The following CEP85L variants were observed in gnomAD, a reference collection of about 807,000 sequenced individuals.
The protein encoded by CEP85L is centrosomal protein of 85 kDa-like.
CEP85L carries 60 observed loss-of-function variants against 100.3 expected under a neutral mutation model. That is an observed-to-expected ratio of 0.60 (90% CI 0.49 to 0.74). The LOEUF (loss-of-function observed/expected upper bound fraction) is 0.74. CEP85L is among the 30% of genes least tolerant of loss of function. CEP85L has a pLI of 0.00. For missense variants in CEP85L, 973 were observed against 936.2 expected, an observed-to-expected ratio of 1.04 and a Z score of -0.51; for synonymous variants, 319 against 322.7, an observed-to-expected ratio of 0.99 and a Z score of 0.12.
rs947920378 is a variant in CEP85L, at chr6:118,463,137, T to G, written c.*2268A>C. ...TATTTTTAAGATACGTGAATTAAATTACTTTCTCTAAGTTTTAGAAAGCTA... is the reference window on the plus strand; with the variant it reads ...TATTTTTAAGATACGTGAATTAAATGACTTTCTCTAAGTTTTAGAAAGCTA... On this transcript the variant is annotated 3_prime_UTR_variant, in exon 13 of 13. Coordinates refer to ENST00000368491, the MANE Select transcript of CEP85L (RefSeq NM_001042475.3). 3.3e-5 allele frequency: 5 copies of G among 152,000 alleles called. No individual in the cohort carries two copies. The highest frequency in any genetic ancestry group is 7.4e-5 in the Non-Finnish European group (5 of 67,904). The allele number at this position is 152,000 out of a possible 1,614,324, so 9.4% of individuals were successfully genotyped here.
At chr6:118,500,416 C>A (rs1159511804) in intron 5 of CEP85L, among the ~76,000 whole-genome samples, 1 of 32,748 alleles carries the variant, frequency 3.1e-5, no homozygotes, top group Non-Finnish European at 8.6e-5. Context: ...CACTCCCTGG[C>A]GCTGGGCTCC....
intron 3 of CEP85L, 126 bp from the exon 4 acceptor site, chr6:118,524,046 C>T (rs1443419574): frequency 2.4e-5 from 10 of 422,894 alleles, no homozygotes; most frequent in African/African-American, 8.4e-5. Context: ...TTAATACTTT[C>T]GGAAATCACA....
At chr6:118,652,484 T>TG, upstream of CEP85L, 1 of 1,319,250 alleles carries the variant, frequency 7.6e-7, no homozygotes, top group African/African-American at 1.5e-5. Flanking sequence ...AGCACTGTGG[T>TG]GGGAGGCGGG....
chr6:118,477,036 A>G (rs551339161), intron 10 of CEP85L, among the ~76,000 whole-genome samples: 1 of 152,306 alleles, frequency 6.6e-6, no homozygotes, highest in South Asian at 2.1e-4. Context: ...GACTGCAGCC[A>G]TATGTTCATG....
At chr6:118,538,091 C>T (rs1269675403) in intron 3 of CEP85L, 1 of 309,644 alleles carries the variant, frequency 3.2e-6, no homozygotes, top group South Asian at 1.3e-4. Context: ...AATATAAAAT[C>T]TACGTCTTAA....
At chr6:118,475,637 AGCCACCAC>A (rs1773313789) in intron 10 of CEP85L, among the ~76,000 whole-genome samples, 1 of 152,056 alleles carries the variant, frequency 6.6e-6, no homozygotes, top group African/African-American at 2.4e-5. Flanking sequence ...GACAGGTGTG[AGCCACCAC>A]GCCCGGTGAC....
chr6:118,558,650 CACACACACACAG>C (rs1179306206), intron 3 of CEP85L, among the ~76,000 whole-genome samples: 58 of 136,742 alleles, frequency 4.2e-4, no homozygotes, highest in Non-Finnish European at 5.9e-4. Context: ...CACACACACA[CACACACACACAG>C]AGAGAGAGAG....
intron 1 of CEP85L, among the ~76,000 whole-genome samples, chr6:118,679,114 T>G (rs1776567266): frequency 6.6e-6 from 1 of 152,208 alleles, no homozygotes; most frequent in Non-Finnish European, 1.5e-5. Context: ...CAAAAGTCAA[T>G]TCAATTGTTA....
intron 2 of CEP85L, among the ~76,000 whole-genome samples, chr6:118,606,539 T>C (rs1772233960): frequency 6.6e-6 from 1 of 152,248 alleles, no homozygotes; most frequent in Non-Finnish European, 1.5e-5. Flanking sequence ...AATATGATTT[T>C]TAGAGCTAAC....
intron 2 of CEP85L, among the ~76,000 whole-genome samples, chr6:118,580,910 T>C (rs1780536524): frequency 6.6e-6 from 1 of 152,206 alleles, no homozygotes; most frequent in Non-Finnish European, 1.5e-5. Context: ...TCCGGGACAG[T>C]GAGCCTCTCT....
At chr6:118,543,143 A>C (rs1052424662) in intron 3 of CEP85L, among the ~76,000 whole-genome samples, 2 of 150,912 alleles carry the variant, frequency 1.3e-5, no homozygotes, top group East Asian at 1.9e-4. Flanking sequence ...ATGAATCATT[A>C]ATCAAAGCCA....
intron 5 of CEP85L, among the ~76,000 whole-genome samples, chr6:118,505,449 A>G (rs13212397): frequency 1.3e-5 from 2 of 149,722 alleles, no homozygotes; most frequent in African/African-American, 4.9e-5. Flanking sequence ...GTTAACACAG[A>G]TGCTTCTACT....
At chr6:118,476,961 T>C (rs1312443320) in intron 10 of CEP85L, among the ~76,000 whole-genome samples, 2 of 152,180 alleles carry the variant, frequency 1.3e-5, no homozygotes, top group Non-Finnish European at 2.9e-5. Context: ...GGCTTACGGA[T>C]TTGAAATGCA....
chr6:118,689,691 C>A (rs1776966172), intron 1 of CEP85L, among the ~76,000 whole-genome samples: 1 of 152,174 alleles, frequency 6.6e-6, no homozygotes, highest in Non-Finnish European at 1.5e-5. Flanking sequence ...CTGCAACCAG[C>A]AGAAGAACCA....
intron 3 of CEP85L, among the ~76,000 whole-genome samples, chr6:118,553,385 C>T (rs1778667164): frequency 6.6e-6 from 1 of 152,116 alleles, no homozygotes; most frequent in Non-Finnish European, 1.5e-5. Context: ...CAATGTATGA[C>T]AGGAAGCCCC....
At chr6:118,507,431 C>T (rs998974305) in intron 5 of CEP85L, among the ~76,000 whole-genome samples, 2 of 152,288 alleles carry the variant, frequency 1.3e-5, no homozygotes, top group Admixed American at 1.3e-4. Context: ...TACCTTAAAT[C>T]CAATCTCTAT....
intron 6 of CEP85L, among the ~76,000 whole-genome samples, chr6:118,484,636 A>AAAGCCTTT (rs1378804001): frequency 6.6e-6 from 1 of 152,212 alleles, no homozygotes. Flanking sequence ...GCACAGAAAA[A>AAAGCCTTT]AAGCCTTTGA....
intron 2 of CEP85L, among the ~76,000 whole-genome samples, chr6:118,624,053 A>T (rs1374491349): frequency 6.6e-6 from 1 of 152,196 alleles, no homozygotes; most frequent in Non-Finnish European, 1.5e-5. Context: ...TCAGCTCAGG[A>T]GTCTGAAGAT....
chr6:118,541,633 C>T (rs983411694), intron 3 of CEP85L, among the ~76,000 whole-genome samples: 1 of 152,128 alleles, frequency 6.6e-6, no homozygotes, highest in Middle Eastern at 3.2e-3. Flanking sequence ...AGAGGTTCTC[C>T]ACCTGAAGCA....
Sources: gnomAD v4.1 joint callset for allele counts (sites outside exome capture counted in the v4.1 genomes callset) on GRCh38, gnomAD v4.1.1 for gene constraint, MANE v1.5 for transcripts, NCBI Gene and HGNC (gene_info 2026-07-23, HGNC 2026-07-21) for gene names.